Variants in ARHGAP17 observed in about 807,000 individuals in gnomAD.
ARHGAP17 encodes the protein rho GTPase-activating protein 17.
Under a neutral mutation model 99.5 loss-of-function variants are expected in ARHGAP17, and 57 were observed. The observed-to-expected ratio is 0.57, with a 90% CI of 0.46 to 0.71. The LOEUF is 0.71. Among genes scored for constraint, ARHGAP17 ranks in the 30% least tolerant of loss-of-function variants. ARHGAP17 has a pLI of 0.00. For synonymous variants in ARHGAP17, 417 were observed against 429.6 expected, an observed-to-expected ratio of 0.97 and a Z score of 0.36; for missense variants, 1,000 against 1,122.4, an observed-to-expected ratio of 0.89 and a Z score of 1.56.
intron 13 of ARHGAP17, 200 bp downstream of exon 13, chr16:24,949,204 T>C (rs2051560283): frequency 2.2e-6 from 1 of 455,058 alleles, no homozygotes; most frequent in Non-Finnish European, 3.9e-6. Context: ...ATGTCAGGCA[T>C]GATACTGATG....
chr16:25,002,744 T>G (rs2053396218), intron 1 of ARHGAP17, among the ~76,000 whole-genome samples: 1 of 152,126 alleles, frequency 6.6e-6, no homozygotes, highest in Middle Eastern at 3.4e-3. Flanking sequence ...AATGGGAGTA[T>G]TAAACTGGTT....
chr16:24,968,850 T>C (rs960840126), intron 4 of ARHGAP17, 78 bp from the exon 5 acceptor site: 4 of 1,392,596 alleles, frequency 2.9e-6, no homozygotes, highest in Non-Finnish European at 2.0e-6. Flanking sequence ...TCAGTGCTGC[T>C]TGCCATACAA....
intron 13 of ARHGAP17, among the ~76,000 whole-genome samples, chr16:24,948,396 G>A (rs2141218527): frequency 6.6e-6 from 1 of 152,292 alleles, no homozygotes; most frequent in African/African-American, 2.4e-5. Context: ...TCCCAGGAGA[G>A]GAACTGGGTG....
At position 24,941,678 on chromosome 16, in the gene ARHGAP17, C is replaced by T. The variant is rs186697419; in HGVS notation, c.1490+309G>A. On this transcript the variant is annotated intron_variant, in intron 16 of 19. Coordinates refer to ENST00000289968, the MANE Select transcript of ARHGAP17 (RefSeq NM_001006634.3). ...ATTTATTTTCCTTTCTGTTTCCCCC[C>T]ACTCACGTACATCTGGGTCACTTTT... 203 of 306,952 alleles carry T rather than the reference C, an allele frequency of 6.6e-4. 1 individual carries two copies. The highest frequency in any genetic ancestry group is 3.7e-3 in the African/African-American group (171 of 45,664). The allele number at this position is 306,952 out of a possible 1,614,324, so 19.0% of individuals were successfully genotyped here.
chr16:24,931,171 C>T lies in ARHGAP17; in HGVS notation c.2128G>A (p.Ala710Thr), dbSNP rs201923530. The T allele has an allele frequency of 2.5e-6, 4 of 1,592,120 alleles. No homozygotes were observed. The highest frequency in any genetic ancestry group is 3.4e-6 in the Non-Finnish European group (4 of 1,169,988). ...GGCTGCGGCGGTGGGTGATTGGGAG[C>T]TTGGATTGGAGACAAGCTGCTGGAG... Reference protein sequence around the residue: ...RYSSSLSPIQAPNHPPPQPPT... With the variant: ...RYSSSLSPIQTPNHPPPQPPT... The change falls in exon 19 of 20, where the codon GCT becomes ACT. Residue 710 changes from alanine to threonine, a missense_variant. Around this residue, in one of 2 missense-constraint regions of ARHGAP17, gnomAD observed 528 missense variants for 511.4 expected, o/e 1.03. Coordinates refer to ENST00000289968, the MANE Select transcript of ARHGAP17 (RefSeq NM_001006634.3).
intron 3 of ARHGAP17, among the ~76,000 whole-genome samples, chr16:24,974,588 AT>A (rs367931662): frequency 1.6e-4 from 23 of 147,860 alleles, no homozygotes; most frequent in East Asian, 2.0e-4. Context: ...CTGAGCCAAG[AT>A]TTTTTTTTTT....
At chr16:24,957,934 CAAGA>C (rs2051860028) in intron 9 of ARHGAP17, among the ~76,000 whole-genome samples, 2 of 151,954 alleles carry the variant, frequency 1.3e-5, no homozygotes, top group Admixed American at 6.6e-5. Context: ...ATAGTAAGGA[CAAGA>C]TAAGTCTTTC....
At chr16:24,934,417 A>G (rs1219411085) in intron 18 of ARHGAP17, among the ~76,000 whole-genome samples, 3 of 152,026 alleles carry the variant, frequency 2.0e-5, no homozygotes, top group East Asian at 3.9e-4. Flanking sequence ...CGGCCTCCCA[A>G]AGTGCTGGGA....
intron 1 of ARHGAP17, among the ~76,000 whole-genome samples, chr16:24,999,050 A>G (rs576241523): frequency 6.6e-6 from 1 of 152,364 alleles, no homozygotes; most frequent in East Asian, 1.9e-4. Flanking sequence ...CACAGGACAC[A>G]GCCCCATCCA....
At chr16:24,954,512 G>A in intron 10 of ARHGAP17, 91 bp downstream of exon 10, 1 of 1,500,992 alleles carries the variant, frequency 6.7e-7, no homozygotes, top group Non-Finnish European at 8.9e-7. Context: ...AACTAAGCAG[G>A]GGTGGACAGG....
intron 14 of ARHGAP17, among the ~76,000 whole-genome samples, chr16:24,946,757 C>T (rs989244691): frequency 6.6e-6 from 1 of 152,138 alleles, no homozygotes; most frequent in Admixed American, 6.6e-5. Context: ...CCTTGCTGAA[C>T]GAATCCTTAT....
At position 24,976,556 on chromosome 16, in the gene ARHGAP17, A is replaced by AGGGAAAGGAAAGGGGAAAG. The variant is rs2052522370; in HGVS notation, c.198+640_198+658dup. On this transcript the variant is annotated intron_variant, in intron 3 of 19. Transcript: ENST00000289968. ...AAGAAAAGAAAAGAAAGAGAAGAGA[A>AGGGAAAGGAAAGGGGAAAG]GGGAAAGGAAAGGGGAAAGGGGAAA... is the stretch of plus-strand genomic sequence containing the variant. Among the ~76,000 whole-genome samples the AGGGAAAGGAAAGGGGAAAG allele has an allele frequency of 2.0e-5, 3 of 151,898 alleles. No individual in the cohort carries two copies. The South Asian group carries it at 6.3e-4, about 32-fold the overall frequency.
intron 1 of ARHGAP17, among the ~76,000 whole-genome samples, chr16:24,988,009 A>T (rs1597461099): frequency 6.6e-6 from 1 of 152,178 alleles, no homozygotes; most frequent in East Asian, 1.9e-4. Flanking sequence ...TAGGCAGTGG[A>T]TTTCATTCTG....
At chr16:24,952,409 G>T in intron 11 of ARHGAP17, 39 bp from the exon 12 acceptor site, 1 of 1,500,380 alleles carries the variant, frequency 6.7e-7, no homozygotes, top group East Asian at 2.3e-5. Context: ...TGAAAAAGGG[G>T]TAAGGCTAGG....
At chr16:24,954,280 T>C (rs1161264884) in intron 10 of ARHGAP17, among the ~76,000 whole-genome samples, 1 of 152,214 alleles carries the variant, frequency 6.6e-6, no homozygotes, top group Non-Finnish European at 1.5e-5. Flanking sequence ...ACGAAATCTA[T>C]TGTCACAAAT....
At chr16:25,004,320 C>A (rs560240779) in intron 1 of ARHGAP17, among the ~76,000 whole-genome samples, 29 of 152,284 alleles carry the variant, frequency 1.9e-4, no homozygotes, top group African/African-American at 7.0e-4. Context: ...CCTCACTGAA[C>A]CCCCAGGCAC....
chr16:24,925,717 CAT>C (rs1284671772), intron 19 of ARHGAP17, among the ~76,000 whole-genome samples: 1 of 152,146 alleles, frequency 6.6e-6, no homozygotes, highest in Non-Finnish European at 1.5e-5. Context: ...TACATTATCA[CAT>C]GAGAACGAGC....
chr16:24,930,742 G>A (rs1228300532), intron 19 of ARHGAP17, 42 bp downstream of exon 19: 1 of 1,614,174 alleles, frequency 6.2e-7, no homozygotes. Flanking sequence ...CAAAAGCAAT[G>A]TAGAGCAGAC....
At chr16:24,977,169 C>G (rs1423608610) in intron 3 of ARHGAP17, 46 bp downstream of exon 3, 3 of 1,459,564 alleles carry the variant, frequency 2.1e-6, no homozygotes, top group African/African-American at 1.4e-5. Flanking sequence ...TGAAAAGCCT[C>G]AGAGAGACGC....
Sources: gnomAD v4.1 joint callset for allele counts (sites outside exome capture counted in the v4.1 genomes callset) on GRCh38, gnomAD v4.1.1 for gene constraint, gnomAD v4.1.1 regional missense constraint, MANE v1.5 for transcripts, NCBI Gene and HGNC (gene_info 2026-07-23, HGNC 2026-07-21) for gene names.